The following DGKD variants were observed in gnomAD, a reference collection of about 807,000 sequenced individuals.
The protein encoded by DGKD is diacylglycerol kinase delta, also known as DAG kinase delta.
In DGKD, 68 loss-of-function variants were observed where a neutral mutation model predicts 154.4. The observed-to-expected ratio is 0.44, with a 90% confidence interval of 0.36 to 0.54. DGKD has a LOEUF of 0.54. DGKD is among the 20% of genes least tolerant of loss of function. The pLI, the probability that DGKD is intolerant of heterozygous loss-of-function variation, is 0.00. For synonymous variants in DGKD, 693 were observed against 638.0 expected (o/e 1.09, Z -1.30); for missense variants, 1,343 against 1,593.6 (o/e 0.84, Z 2.68).
At chr2:233,447,995 C>G (rs929903756) in intron 12 of DGKD, 92 bp from the exon 13 acceptor site, 7 of 1,581,662 alleles carry the variant, frequency 4.4e-6, no homozygotes, top group Non-Finnish European at 6.0e-6. Flanking sequence ...CCAGCTTGTG[C>G]TGGCAAGGAA....
chr2:233,436,192 G>T, intron 6 of DGKD, 124 bp from the exon 7 acceptor site: 1 of 1,471,142 alleles, frequency 6.8e-7, no homozygotes. Flanking sequence ...TCCCTCACTG[G>T]CCATCAGGGA....
At chr2:233,400,048 C>A (rs1195221300) in intron 3 of DGKD, among the ~76,000 whole-genome samples, 3 of 152,102 alleles carry the variant, frequency 2.0e-5, no homozygotes, top group Non-Finnish European at 4.4e-5. Flanking sequence ...ATCACAGCAC[C>A]CCTGCAGGAC....
chr2:233,459,975 T>A lies in DGKD; in HGVS notation c.2829+84T>A. On this transcript the variant is annotated intron_variant, in intron 23 of 29. Transcript: ENST00000264057. This position sits in a 1 kb window ranked among gnomAD's most constrained non-coding sequence, Gnocchi z 5.7. ...TGTGCACTGTTAAGAGCTGGAGCTT[T>A]TTGTGTTTTGTTCTAGGATTTTTTT... is the stretch of plus-strand genomic sequence containing the variant. 1 of 1,499,138 alleles carries A rather than the reference T, an allele frequency of 6.7e-7. No homozygotes were observed. The highest frequency in any genetic ancestry group is 8.9e-7 in the Non-Finnish European group (1 of 1,127,068). 92.9% of individuals were successfully genotyped at this position (1,499,138 alleles called of 1,614,324 possible).
At position 233,375,298 on chromosome 2, in the gene DGKD, G is replaced by GA. The variant is rs201082881; in HGVS notation, c.157-12951dup. On this transcript the variant is annotated intron_variant, in intron 1 of 29. Coordinates refer to ENST00000264057, the MANE Select transcript of DGKD (RefSeq NM_152879.3). Reference sequence around the variant, plus strand: ...AGAATGAGACTCTGTCTCAAAAAAGGAAAAAAAAGAAAAAAAAGAAAGAAA... The same window carrying GA: ...AGAATGAGACTCTGTCTCAAAAAAGGAAAAAAAAAGAAAAAAAAGAAAGAAA... 1.5e-3 allele frequency among the ~76,000 whole-genome samples: 232 copies of GA among 150,914 alleles called. 1 individual carries two copies. Among genetic ancestry groups the GA allele is most frequent in the African/African-American group, 5.3e-3 (220 of 41,190 alleles).
At chr2:233,423,127 G>A (rs2062175506) in intron 3 of DGKD, among the ~76,000 whole-genome samples, 1 of 152,122 alleles carries the variant, frequency 6.6e-6, no homozygotes, top group African/African-American at 2.4e-5. Context: ...TATTCCACGG[G>A]TGTACCACAG....
chr2:233,423,789 T>A (rs1379030614), intron 3 of DGKD, among the ~76,000 whole-genome samples: 1 of 152,122 alleles, frequency 6.6e-6, no homozygotes, highest in Non-Finnish European at 1.5e-5. Context: ...AAGAGCAGGC[T>A]TTTGTTGGGG....
chr2:233,468,881 C>T (rs1033244265), intron 29 of DGKD, among the ~76,000 whole-genome samples: 2 of 152,250 alleles, frequency 1.3e-5, no homozygotes, highest in Non-Finnish European at 2.9e-5. Flanking sequence ...CCATGCTGCT[C>T]CTGGGCGGGT....
chr2:233,414,424 C>T (rs1486427919), intron 3 of DGKD, among the ~76,000 whole-genome samples: 1 of 152,208 alleles, frequency 6.6e-6, no homozygotes, highest in African/African-American at 2.4e-5. Context: ...TCCTGTTAAG[C>T]AGAGTGCTGA....
At chr2:233,367,363 G>T (rs1702078925) in intron 1 of DGKD, among the ~76,000 whole-genome samples, 1 of 151,952 alleles carries the variant, frequency 6.6e-6, no homozygotes, top group Non-Finnish European at 1.5e-5. Flanking sequence ...CAAGCAGCTG[G>T]GACTACAGGC....
chr2:233,369,245 C>T (rs1368419069), intron 1 of DGKD, among the ~76,000 whole-genome samples: 1 of 152,216 alleles, frequency 6.6e-6, no homozygotes, highest in Admixed American at 6.5e-5. Flanking sequence ...CATCAGCATT[C>T]TGGGGGCCTC....
rs1286369153 is a variant in DGKD at position 233,469,426 on chromosome 2, A to G, written c.3611A>G (p.Glu1204Gly). Residue 1204 changes from glutamate (E) to glycine (G), a missense_variant, in exon 30 of 30, where the codon GAG becomes GGG. Glu to Gly is a moderately conservative substitution (Grantham distance 98). Coordinates refer to ENST00000264057, the MANE Select transcript of DGKD (RefSeq NM_152879.3). ...AAGAGGATCCTGTGTGGCATCAAGG[A>G]GCTGAGCCGCAGCGCCCCCGCCGTC... Reference protein sequence around the residue: ...HMKRILCGIKELSRSAPAVEA With the variant: ...HMKRILCGIKGLSRSAPAVEA 1.2e-6 allele frequency: 2 copies of G among 1,608,650 alleles called. No homozygotes were observed. Among genetic ancestry groups the G allele is most frequent in the South Asian group, 2.2e-5 (2 of 89,984 alleles).
intron 3 of DGKD, among the ~76,000 whole-genome samples, chr2:233,416,925 G>A (rs898253098): frequency 1.3e-5 from 2 of 152,204 alleles, no homozygotes; most frequent in Non-Finnish European, 2.9e-5. Flanking sequence ...CACAGCCCTG[G>A]ACATGAAGCT....
At chr2:233,388,034 C>A in intron 1 of DGKD, 3 of 975,512 alleles carry the variant, frequency 3.1e-6, no homozygotes, top group Admixed American at 3.5e-5. Context: ...CACCCCCACC[C>A]ACACAGGCAC....
intron 3 of DGKD, among the ~76,000 whole-genome samples, chr2:233,404,338 T>A (rs1017651960): frequency 6.6e-6 from 1 of 152,232 alleles, no homozygotes; most frequent in Non-Finnish European, 1.5e-5. Context: ...AATGCTAGAA[T>A]GTGCATTTCA....
In DGKD at chr2:233,458,820, C is replaced by T. The variant is rs1027749878; in HGVS notation, c.2694+423C>T. On this transcript the variant is annotated intron_variant, in intron 22 of 29. Transcript: ENST00000264057. The surrounding 1 kb of genome is among the most constrained non-coding windows in gnomAD (Gnocchi z 6.6). ...TGTTGGCCAGGCTGGTCTCGAACTCCTGACCTCAAATGATCCACCCACCTT... is the reference window on the plus strand; with the variant it reads ...TGTTGGCCAGGCTGGTCTCGAACTCTTGACCTCAAATGATCCACCCACCTT... Among the ~76,000 whole-genome samples the T allele has an allele frequency of 6.6e-6, 1 of 152,146 alleles. No individual in the cohort carries two copies. Among genetic ancestry groups the T allele is most frequent in the African/African-American group, 2.4e-5 (1 of 41,440 alleles).
intron 3 of DGKD, among the ~76,000 whole-genome samples, chr2:233,397,546 G>C (rs767890555): frequency 0.022 from 2,262 of 100,852 alleles, 67 homozygotes; most frequent in Middle Eastern, 0.068. Flanking sequence ...GGGGGGGGGG[G>C]GCAGAGTGAG....
chr2:233,392,317 G>T (rs1392967250), intron 3 of DGKD: 1 of 150,420 alleles, frequency 6.6e-6, no homozygotes, highest in Non-Finnish European at 1.5e-5. Context: ...GAGCCACTGT[G>T]CCTGGCCCTG....
intron 1 of DGKD, among the ~76,000 whole-genome samples, chr2:233,358,696 A>G (rs1448029686): frequency 1.3e-5 from 2 of 152,190 alleles, no homozygotes; most frequent in East Asian, 3.8e-4. Flanking sequence ...TAATATTTTT[A>G]AGGTTCATCC....
chr2:233,405,498 A>G (rs2061662233), intron 3 of DGKD, among the ~76,000 whole-genome samples: 1 of 152,020 alleles, frequency 6.6e-6, no homozygotes, highest in Non-Finnish European at 1.5e-5. Context: ...AGCCTGGGCA[A>G]CAAGAGTGAA....
Sources: gnomAD v4.1 joint callset for allele counts (sites outside exome capture counted in the v4.1 genomes callset) on GRCh38, gnomAD v4.1.1 for gene constraint, Gnocchi (gnomAD v3.1) non-coding constraint, MANE v1.5 for transcripts, NCBI Gene and HGNC (gene_info 2026-07-23, HGNC 2026-07-21) for gene names.